The following REL variants were observed in gnomAD, a reference collection of about 807,000 sequenced individuals.
The protein encoded by REL is proto-oncogene c-Rel.
REL carries 15 observed loss-of-function variants against 45.9 expected under a neutral mutation model. That is an observed-to-expected ratio of 0.33 (90% CI 0.22 to 0.50). REL has a LOEUF of 0.50. REL is among the 20% of genes least tolerant of loss of function. The pLI, the probability that REL is intolerant of heterozygous loss-of-function variation, is 0.98. For synonymous variants in REL, 239 were observed against 242.1 expected (o/e 0.99, Z 0.12); for missense variants, 601 against 715.2 (o/e 0.84, Z 1.82).
At chr2:60,902,907 T>G (rs1673536421) in intron 4 of REL, among the ~76,000 whole-genome samples, 1 of 152,210 alleles carries the variant, frequency 6.6e-6, no homozygotes, top group Non-Finnish European at 1.5e-5. Context: ...CTTCTATTAA[T>G]GAACATGTAT....
At chr2:60,916,015 T>C (rs1232110257) in intron 4 of REL, among the ~76,000 whole-genome samples, 1 of 152,232 alleles carries the variant, frequency 6.6e-6, no homozygotes, top group Non-Finnish European at 1.5e-5. Flanking sequence ...TACAATTTTC[T>C]AATAGATTTC....
chr2:60,906,387 A>G (rs997853824), intron 4 of REL, among the ~76,000 whole-genome samples: 3 of 152,230 alleles, frequency 2.0e-5, no homozygotes, highest in East Asian at 1.9e-4. Context: ...TAATTTTACA[A>G]TCAGTGGTTC....
In REL at chr2:60,901,008, A is replaced by G; in HGVS notation, c.319A>G (p.Ile107Val). ...TCCTGCTAGTTTCCAAAATTTGGGTATTCGATGTGTGAAGAAAAAAGAAGT... is the reference window on the plus strand; with the variant it reads ...TCCTGCTAGTTTCCAAAATTTGGGTGTTCGATGTGTGAAGAAAAAAGAAGT... ...RRPLFFQNLG[I>V]RCVKKKEVKE... is the part of the protein sequence containing the mutation. Residue 107 changes from isoleucine (I) to valine (V), a missense_variant, in exon 4 of 10, where the codon ATT becomes GTT. Coordinates refer to ENST00000394479, the MANE Select transcript of REL (RefSeq NM_001291746.2). The G allele has an allele frequency of 1.9e-6, 3 of 1,606,514 alleles. No homozygotes were observed. In the South Asian group the frequency reaches 3.4e-5, roughly 18 times the overall value.
At chr2:60,883,973 T>G (rs759965581) in intron 1 of REL, among the ~76,000 whole-genome samples, 15 of 137,622 alleles carry the variant, frequency 1.1e-4, no homozygotes, top group Non-Finnish European at 2.1e-4. Context: ...AAAAAAAAAA[T>G]GTTTACAGGA....
At chr2:60,890,160 A>G (rs1437007304) in intron 1 of REL, among the ~76,000 whole-genome samples, 2 of 152,186 alleles carry the variant, frequency 1.3e-5, no homozygotes, top group Non-Finnish European at 2.9e-5. Flanking sequence ...GTAAGATGGT[A>G]TCTCATTGTG....
chr2:60,885,419 G>GC (rs1673048444), intron 1 of REL, among the ~76,000 whole-genome samples: 1 of 152,246 alleles, frequency 6.6e-6, no homozygotes, highest in Admixed American at 6.5e-5. Flanking sequence ...CCTGGCACGT[G>GC]CAAGAGTTTT....
chr2:60,923,184 C>T lies in REL; in HGVS notation c.*649C>T, dbSNP rs1674191026. The T allele has an allele frequency of 9.7e-6, 2 of 207,012 alleles. No individual in the cohort carries two copies. The highest frequency in any genetic ancestry group is 4.6e-5 in the African/African-American group (2 of 43,678). The allele number at this position is 207,012 out of a possible 1,614,324, so 12.8% of individuals were successfully genotyped here. ...AAACTTAATTTTTTATTTTTGAGGC[C>T]CATGGGCCAAGGTAACCCCTAAGGG... On this transcript the variant is annotated 3_prime_UTR_variant, in exon 10 of 10. Coordinates refer to ENST00000394479, the MANE Select transcript of REL (RefSeq NM_001291746.2).
intron 5 of REL, 113 bp downstream of exon 5, chr2:60,917,130 C>T: frequency 1.1e-6 from 1 of 870,736 alleles, no homozygotes; most frequent in Admixed American, 2.6e-5. Context: ...AGGAAAACTT[C>T]CAGACATTAG....
At chr2:60,902,714 C>T (rs1312006883) in intron 4 of REL, among the ~76,000 whole-genome samples, 1 of 151,732 alleles carries the variant, frequency 6.6e-6, no homozygotes, top group Admixed American at 6.6e-5. Context: ...CCACCTCAGC[C>T]TCCCAAGTTG....
chr2:60,921,237 G>A (rs1019917362), intron 9 of REL, among the ~76,000 whole-genome samples: 1 of 152,076 alleles, frequency 6.6e-6, no homozygotes, highest in African/African-American at 2.4e-5. Flanking sequence ...TATGTAAATA[G>A]ATACAGAATT....
chr2:60,908,820 G>C (rs1673729066), intron 4 of REL, among the ~76,000 whole-genome samples: 1 of 152,196 alleles, frequency 6.6e-6, no homozygotes, highest in Admixed American at 6.5e-5. Flanking sequence ...TGTTATGAGA[G>C]TAAAAGGCTG....
At chr2:60,904,899 A>G (rs190103732) in intron 4 of REL, among the ~76,000 whole-genome samples, 56 of 152,226 alleles carry the variant, frequency 3.7e-4, no homozygotes, top group African/African-American at 1.3e-3. Flanking sequence ...CTAAGTAAAG[A>G]AAAGGAAAGT....
At chr2:60,918,064 T>C (rs1285851523) in intron 5 of REL, 127 bp from the exon 6 acceptor site, 3 of 610,598 alleles carry the variant, frequency 4.9e-6, no homozygotes, top group Non-Finnish European at 8.8e-6. Flanking sequence ...TTAATGTATT[T>C]AGTGTCATTT....
At chr2:60,894,358 T>C in intron 2 of REL, 39 bp from the exon 3 acceptor site, 1 of 1,266,600 alleles carries the variant, frequency 7.9e-7, no homozygotes, top group Admixed American at 2.4e-5. Flanking sequence ...TATAATGCAG[T>C]CTATTTGGAT....
Position 60,924,190 on chromosome 2 carries a change from C to G in REL, c.*1655C>G, listed in dbSNP as rs187271564. 82 of 230,320 alleles carry G rather than the reference C, an allele frequency of 3.6e-4. 1 individual carries two copies. Among genetic ancestry groups the G allele is most frequent in the African/African-American group, 1.7e-3 (77 of 45,312 alleles). The allele number at this position is 230,320 out of a possible 1,614,324, so 14.3% of individuals were successfully genotyped here. On this transcript the variant is annotated 3_prime_UTR_variant, in exon 10 of 10. Coordinates refer to ENST00000394479, the MANE Select transcript of REL (RefSeq NM_001291746.2). Reference sequence around the variant, plus strand: ...GTCCTTGAATATATACATCAGCATTCCCTTTCCCCCCTGCTTTATGTATGT... The same window carrying G: ...GTCCTTGAATATATACATCAGCATTGCCTTTCCCCCCTGCTTTATGTATGT...
At chr2:60,887,300 C>T (rs555155954) in intron 1 of REL, among the ~76,000 whole-genome samples, 2 of 152,120 alleles carry the variant, frequency 1.3e-5, no homozygotes, top group East Asian at 3.9e-4. Flanking sequence ...TGTAGCAATC[C>T]TGGTACCTAT....
rs1313013862 is a variant in REL, at chr2:60,926,471, T to C, written c.*3936T>C. 8.6e-6 allele frequency: 2 copies of C among 231,790 alleles called. No homozygotes were observed. Among genetic ancestry groups the C allele is most frequent in the Non-Finnish European group, 8.5e-6 (1 of 117,144 alleles). The allele number at this position is 231,790 out of a possible 1,614,324, so 14.4% of individuals were successfully genotyped here. A position where few individuals can be genotyped will look rare whatever the true frequency, so the allele number is the denominator to read the frequency against. On this transcript the variant is annotated 3_prime_UTR_variant, in exon 10 of 10. Transcript: ENST00000394479. Reference sequence around the variant, plus strand: ...CACACTGCTTGACCTATGTATAACCTCCTATACTTCCCTCTTTGCATACTC... The same window carrying C: ...CACACTGCTTGACCTATGTATAACCCCCTATACTTCCCTCTTTGCATACTC...
At chr2:60,918,852 G>A (rs1184503621) in intron 7 of REL, among the ~76,000 whole-genome samples, 2 of 152,000 alleles carry the variant, frequency 1.3e-5, no homozygotes, top group African/African-American at 4.8e-5. Context: ...GTGCAGTGGC[G>A]CAATCTTAGC....
chr2:60,907,711 T>TA (rs1321641392), intron 4 of REL, among the ~76,000 whole-genome samples: 28 of 151,780 alleles, frequency 1.8e-4, no homozygotes, highest in South Asian at 8.3e-4. Flanking sequence ...TTTTTTTTTT[T>TA]ACGGAGTCTC....
Sources: allele counts gnomAD v4.1 joint callset (sites outside exome capture counted in the v4.1 genomes callset), GRCh38; gene constraint gnomAD v4.1.1; transcripts MANE v1.5; gene names NCBI Gene and HGNC (gene_info 2026-07-23, HGNC 2026-07-21).